Variants in CSGALNACT1 observed in about 807,000 individuals in gnomAD.
The protein encoded by CSGALNACT1 is chondroitin sulfate N-acetylgalactosaminyltransferase 1, also known as beta4GalNAcT-1.
Under a neutral mutation model 51.0 loss-of-function variants are expected in CSGALNACT1, and 52 were observed. That is an observed-to-expected ratio of 1.02 (90% CI 0.82 to 1.29). CSGALNACT1 has a LOEUF of 1.29. Among genes scored for constraint, CSGALNACT1 ranks in the 50% most tolerant of loss-of-function variants. The pLI is 0.00. For synonymous variants in CSGALNACT1, 341 were observed against 254.4 expected (o/e 1.34, Z -3.24); for missense variants, 935 against 679.2 (o/e 1.38, Z -4.19).
At chr8:19,473,776 A>T (rs1439951491) in intron 4 of CSGALNACT1, among the ~76,000 whole-genome samples, 2 of 152,210 alleles carry the variant, frequency 1.3e-5, no homozygotes, top group African/African-American at 4.8e-5. Context: ...ATAAAGTTTA[A>T]TCCACTGGAT....
chr8:19,665,501 C>T (rs1003565534), intron 1 of CSGALNACT1, among the ~76,000 whole-genome samples: 2 of 152,184 alleles, frequency 1.3e-5, no homozygotes, highest in Non-Finnish European at 2.9e-5. Flanking sequence ...AAACATTTGA[C>T]GGAATAAATG....
chr8:19,543,962 C>T (rs2085871250), intron 3 of CSGALNACT1, among the ~76,000 whole-genome samples: 2 of 152,120 alleles, frequency 1.3e-5, no homozygotes, highest in African/African-American at 2.4e-5. Flanking sequence ...TAAATTCTTC[C>T]TGATCAGCTT....
At chr8:19,639,084 T>C (rs534917522) in intron 1 of CSGALNACT1, among the ~76,000 whole-genome samples, 19 of 152,204 alleles carry the variant, frequency 1.2e-4, no homozygotes, top group African/African-American at 3.1e-4. Flanking sequence ...AAGGGGAAAA[T>C]TGACAGTAAA....
At chr8:19,743,408 C>A (rs1345382054) in intron 1 of CSGALNACT1, among the ~76,000 whole-genome samples, 1 of 152,118 alleles carries the variant, frequency 6.6e-6, no homozygotes, top group Non-Finnish European at 1.5e-5. Context: ...CAAGAAAGGA[C>A]CATATTCATT....
At chr8:19,470,594 C>T (rs576805172) in intron 4 of CSGALNACT1, among the ~76,000 whole-genome samples, 6 of 152,258 alleles carry the variant, frequency 3.9e-5, no homozygotes, top group Admixed American at 3.3e-4. Flanking sequence ...GAAGTGTTAA[C>T]AGGTAGCTGG....
chr8:19,651,224 G>A (rs544099687), intron 1 of CSGALNACT1, among the ~76,000 whole-genome samples: 2 of 152,190 alleles, frequency 1.3e-5, no homozygotes, highest in East Asian at 3.9e-4. Context: ...CAAAATGAGG[G>A]TAATAATACC....
chr8:19,543,351 G>T (rs2085685676), intron 3 of CSGALNACT1, among the ~76,000 whole-genome samples: 1 of 152,192 alleles, frequency 6.6e-6, no homozygotes, highest in African/African-American at 2.4e-5. Flanking sequence ...GCTTTCCTTA[G>T]AAAGTCCTGC....
chr8:19,753,355 T>TTA (rs2065159751), intron 1 of CSGALNACT1, among the ~76,000 whole-genome samples: 1 of 151,856 alleles, frequency 6.6e-6, no homozygotes, highest in African/African-American at 2.4e-5. Flanking sequence ...CTTGATTTTT[T>TTA]AAAAAAAACC....
intron 8 of CSGALNACT1, among the ~76,000 whole-genome samples, chr8:19,416,774 G>A (rs75456947): frequency 1.6e-3 from 245 of 152,244 alleles, no homozygotes; most frequent in African/African-American, 4.1e-3. Context: ...GCATAAGTGC[G>A]CTGTATGATG....
intron 4 of CSGALNACT1, among the ~76,000 whole-genome samples, chr8:19,502,516 C>T (rs930971805): frequency 2.0e-5 from 3 of 152,164 alleles, no homozygotes; most frequent in African/African-American, 7.2e-5. Context: ...CAAAGAATCC[C>T]CATCTTTGTT....
chr8:19,620,566 G>A (rs2053688516), intron 1 of CSGALNACT1, among the ~76,000 whole-genome samples: 1 of 151,808 alleles, frequency 6.6e-6, no homozygotes, highest in South Asian at 2.1e-4. Flanking sequence ...CTGAGGAGCT[G>A]GGACTACAGC....
chr8:19,599,479 A>AGAAAAG, intron 2 of CSGALNACT1, among the ~76,000 whole-genome samples: 1 of 93,134 alleles, frequency 1.1e-5, no homozygotes, highest in African/African-American at 3.9e-5. Context: ...AGAAAAAGAA[A>AGAAAAG]GAAAGAAAGA....
At chr8:19,745,461 A>G (rs549095255) in intron 1 of CSGALNACT1, among the ~76,000 whole-genome samples, 2 of 152,336 alleles carry the variant, frequency 1.3e-5, no homozygotes, top group African/African-American at 2.4e-5. Context: ...TTGTGCCCCT[A>G]AAGAAACTCC....
intron 3 of CSGALNACT1, among the ~76,000 whole-genome samples, chr8:19,521,060 G>C (rs748416669): frequency 2.6e-5 from 4 of 152,156 alleles, no homozygotes; most frequent in African/African-American, 4.8e-5. Flanking sequence ...AAGGGCAAAA[G>C]GGAGGTGTGC....
intron 2 of CSGALNACT1, among the ~76,000 whole-genome samples, chr8:19,599,791 A>G (rs911984284): frequency 6.6e-6 from 1 of 152,202 alleles, no homozygotes; most frequent in Non-Finnish European, 1.5e-5. Context: ...CAGGGCTTGA[A>G]CATCCTTCAG....
At chr8:19,546,331 C>T (rs2086459069) in intron 3 of CSGALNACT1, among the ~76,000 whole-genome samples, 1 of 151,916 alleles carries the variant, frequency 6.6e-6, no homozygotes, top group African/African-American at 2.4e-5. Flanking sequence ...CTTTTATTTT[C>T]CCTTCTCCAA....
At chr8:19,672,368 A>C (rs2059861200) in intron 1 of CSGALNACT1, among the ~76,000 whole-genome samples, 1 of 152,206 alleles carries the variant, frequency 6.6e-6, no homozygotes, top group South Asian at 2.1e-4. Flanking sequence ...AGTGTTCATA[A>C]ACACTCTGGC....
At chr8:19,620,461 C>A (rs1471541017) in intron 1 of CSGALNACT1, among the ~76,000 whole-genome samples, 1 of 146,630 alleles carries the variant, frequency 6.8e-6, no homozygotes, top group African/African-American at 2.6e-5. Context: ...AAGGGTCTTG[C>A]TCTGTTGCCC....
chr8:19,717,329 A>G (rs1204396275), intron 1 of CSGALNACT1, among the ~76,000 whole-genome samples: 1 of 152,230 alleles, frequency 6.6e-6, no homozygotes, highest in East Asian at 1.9e-4. Context: ...GACATAGCCT[A>G]TGTAGCTGTG....
Sources: gnomAD v4.1 joint callset for allele counts (sites outside exome capture counted in the v4.1 genomes callset) on GRCh38, gnomAD v4.1.1 for gene constraint, MANE v1.5 for transcripts, NCBI Gene and HGNC (gene_info 2026-07-23, HGNC 2026-07-21) for gene names.